Variants in NEK10 observed in about 807,000 individuals in gnomAD.
NEK10 encodes serine/threonine-protein kinase Nek10.
In NEK10, 122 loss-of-function variants were observed where a neutral mutation model predicts 159.8. The observed-to-expected ratio is 0.76, with a 90% confidence interval of 0.66 to 0.89. The LOEUF is 0.89. Ranked by LOEUF, NEK10 falls within the 40% of genes least tolerant of loss-of-function variation. The probability of loss-of-function intolerance (pLI) is 0.00; values close to 1 mark genes in which losing one functional copy is unlikely to be tolerated. For missense variants in NEK10, 1,342 were observed against 1,323.1 expected (o/e 1.01, Z -0.22); for synonymous variants, 466 against 457.1 (o/e 1.02, Z -0.25).
At position 27,369,377 on chromosome 3, in the gene NEK10, C is replaced by G. The variant is rs2049344574; in HGVS notation, c.-190G>C. 1 of 152,660 alleles carries G rather than the reference C, an allele frequency of 6.6e-6. No individual in the cohort carries two copies. The highest frequency in any genetic ancestry group is 2.4e-5 in the African/African-American group (1 of 41,446). The allele number at this position is 152,660 out of a possible 1,614,324, so 9.5% of individuals were successfully genotyped here. ...CCGGTCCCCTCAACCTCAGGGACAC[C>G]GCGGCCAGCTGCACCGTTGGTTTTC... is the stretch of plus-strand genomic sequence containing the variant. On this transcript the variant is annotated 5_prime_UTR_variant, in exon 1 of 36. Transcript: ENST00000691995. This position sits in a 1 kb window ranked among gnomAD's most constrained non-coding sequence, Gnocchi z 4.2.
At chr3:27,229,270 C>A (rs970741444) in intron 23 of NEK10, among the ~76,000 whole-genome samples, 1 of 151,944 alleles carries the variant, frequency 6.6e-6, no homozygotes, top group African/African-American at 2.4e-5. Flanking sequence ...GAGTCTTTAC[C>A]CCTAACAGTA....
rs1441353774 is a variant in NEK10, at chr3:27,352,850, T to C, written c.33A>G (p.Thr11=). The C allele has an allele frequency of 6.2e-7, 1 of 1,610,914 alleles. No individual in the cohort carries two copies. The highest frequency in any genetic ancestry group is 2.2e-5 in the East Asian group (1 of 44,848). MPDQDKKVKT[T]EKSTDKQQEI... is the part of the protein sequence containing the mutation. ...CTTGCTGTTTATCAGTTGATTTTTC[T>C]GTGGTCTTCACCTTTTTATCTTGAT... The change falls in exon 2 of 36, where the codon ACA becomes ACG. Residue 11 remains threonine (T), a synonymous_variant. Coordinates refer to ENST00000691995, the MANE Select transcript of NEK10 (RefSeq NM_001394966.1).
intron 31 of NEK10, among the ~76,000 whole-genome samples, chr3:27,134,713 G>A (rs542812915): frequency 7.9e-4 from 120 of 152,218 alleles, no homozygotes; most frequent in African/African-American, 2.7e-3. Context: ...ATATTAGAAA[G>A]CTATTGATCT....
In NEK10 at chr3:27,290,704, T is replaced by G; in HGVS notation, c.1656A>C (p.Leu552Phe). ...TATCCTTTCCAAATGCTGGGTTATGTAAATTGACCTCTTTCATTGCTAAAA... is the reference window on the plus strand; with the variant it reads ...TATCCTTTCCAAATGCTGGGTTATGGAAATTGACCTCTTTCATTGCTAAAA... ...QNLLAMKEVN[L>F]HNPAFGKDKK... The change falls in exon 19 of 36, where the codon TTA (leucine) becomes TTC (phenylalanine). Residue 552 changes from leucine to phenylalanine, a missense_variant. Leu to Phe is a conservative substitution (Grantham distance 22). Coordinates refer to ENST00000691995, the MANE Select transcript of NEK10 (RefSeq NM_001394966.1). The G allele has an allele frequency of 6.2e-7, 1 of 1,608,930 alleles. No homozygotes were observed. The highest frequency in any genetic ancestry group is 8.5e-7 in the Non-Finnish European group (1 of 1,176,016).
At chr3:27,219,676 G>T (rs1290722274) in intron 23 of NEK10, among the ~76,000 whole-genome samples, 2 of 152,128 alleles carry the variant, frequency 1.3e-5, no homozygotes, top group Non-Finnish European at 2.9e-5. Context: ...ATAAGACAAG[G>T]AAGTCTGCTC....
At chr3:27,246,335 T>C (rs1455740710) in intron 23 of NEK10, among the ~76,000 whole-genome samples, 1 of 152,188 alleles carries the variant, frequency 6.6e-6, no homozygotes, top group East Asian at 1.9e-4. Context: ...AGCATAATAC[T>C]CAATAGGTAT....
At chr3:27,310,889 C>T in intron 9 of NEK10, 60 bp downstream of exon 9, 1 of 1,060,448 alleles carries the variant, frequency 9.4e-7, no homozygotes, top group South Asian at 1.3e-5. Context: ...CTCTGAACTT[C>T]CCTAATGTGA....
At chr3:27,288,423 A>T (rs2042771990) in intron 19 of NEK10, among the ~76,000 whole-genome samples, 1 of 152,086 alleles carries the variant, frequency 6.6e-6, no homozygotes, top group African/African-American at 2.4e-5. Flanking sequence ...CACCCTTGAC[A>T]TCCAATTAAG....
rs1265985342 is a variant in NEK10, at chr3:27,290,617, C to T, written c.1743G>A (p.Gln581=). The part of the protein sequence containing the change: ...IVSELTIIKE[Q]LYHPNIVRYY... ...CTTCAGAAACAAGGAAAACATTTAC[C>T]TGCTCTTTAATTATTGTTAATTCAG... is the stretch of plus-strand genomic sequence containing the variant. Residue 581 remains glutamine (Q), a splice_region_variant and synonymous_variant, in exon 19 of 36, where the codon CAG becomes CAA. Coordinates refer to ENST00000691995, the MANE Select transcript of NEK10 (RefSeq NM_001394966.1). 5 of 1,580,666 alleles carry T rather than the reference C, an allele frequency of 3.2e-6. No individual in the cohort carries two copies. The Admixed American group carries it at 7.4e-5, about 23-fold the overall frequency.
chr3:27,207,663 G>A (rs766487838), intron 23 of NEK10, among the ~76,000 whole-genome samples: 1 of 152,136 alleles, frequency 6.6e-6, no homozygotes, highest in Non-Finnish European at 1.5e-5. Flanking sequence ...GCATCCCACT[G>A]CAATGTGTTA....
intron 20 of NEK10, among the ~76,000 whole-genome samples, chr3:27,287,313 C>T (rs1380836333): frequency 1.3e-5 from 2 of 152,192 alleles, no homozygotes; most frequent in Admixed American, 6.5e-5. Context: ...AGACCTAGCT[C>T]TCTCCAACTT....
chr3:27,274,020 C>A (rs1166387120), intron 22 of NEK10, among the ~76,000 whole-genome samples: 1 of 152,168 alleles, frequency 6.6e-6, no homozygotes, highest in African/African-American at 2.4e-5. Flanking sequence ...AGTCCAACTA[C>A]TATTAATATT....
At chr3:27,162,783 G>C in intron 29 of NEK10, 45 bp from the exon 30 acceptor site, 1 of 1,612,750 alleles carries the variant, frequency 6.2e-7, no homozygotes, top group Non-Finnish European at 8.5e-7. Flanking sequence ...GTTCAACTTG[G>C]ATTTGACAAA....
chr3:27,141,563 C>T lies in NEK10; in HGVS notation c.2889G>A (p.Val963=), dbSNP rs143623637. The change falls in exon 31 of 36, where the codon GTG becomes GTA. Residue 963 remains valine, a synonymous_variant. Coordinates refer to ENST00000691995, the MANE Select transcript of NEK10 (RefSeq NM_001394966.1). ...TGATCTGACGCACTTTCCTCTGGGA[C>T]ACAGCAATTCCTGCTGATGCTGTGG... The part of the protein sequence containing the change: ...RPRPASAGIA[V]SQRKVRQISD... 353 of 1,613,122 alleles carry T rather than the reference C, an allele frequency of 2.2e-4. 1 individual carries two copies. The African/African-American group carries it at 4.1e-3, about 19-fold the overall frequency.
intron 20 of NEK10, 95 bp downstream of exon 20, chr3:27,287,603 T>G: frequency 7.5e-7 from 1 of 1,334,838 alleles, no homozygotes; most frequent in Non-Finnish European, 1.0e-6. Context: ...GTCAATAAAA[T>G]AGTTGATTAG....
At chr3:27,368,742 A>G (rs951410678) in intron 1 of NEK10, among the ~76,000 whole-genome samples, 1 of 152,092 alleles carries the variant, frequency 6.6e-6, no homozygotes, top group African/African-American at 2.4e-5. Context: ...CCAGTTGGAG[A>G]CTTTCTAATC....
intron 5 of NEK10, among the ~76,000 whole-genome samples, chr3:27,339,642 G>A (rs2047057409): frequency 6.6e-6 from 1 of 152,064 alleles, no homozygotes; most frequent in Non-Finnish European, 1.5e-5. Flanking sequence ...AGCCAGGTGT[G>A]GTGGTGTGCA....
intron 23 of NEK10, among the ~76,000 whole-genome samples, chr3:27,254,127 A>G (rs1419494971): frequency 6.6e-6 from 1 of 152,308 alleles, no homozygotes; most frequent in Middle Eastern, 3.4e-3. Flanking sequence ...CGGCCCACGG[A>G]CCGCATGTAG....
chr3:27,209,953 C>G (rs549063838), intron 23 of NEK10, among the ~76,000 whole-genome samples: 19 of 150,642 alleles, frequency 1.3e-4, no homozygotes, highest in Admixed American at 3.3e-4. Context: ...TCTGAGCCCA[C>G]CCCCACCCCA....
Sources: gnomAD v4.1 joint callset for allele counts (sites outside exome capture counted in the v4.1 genomes callset) on GRCh38, gnomAD v4.1.1 for gene constraint, Gnocchi (gnomAD v3.1) non-coding constraint, MANE v1.5 for transcripts, NCBI Gene and HGNC (gene_info 2026-07-23, HGNC 2026-07-21) for gene names.